The following SERPINB9 variants were observed in gnomAD, a reference collection of about 807,000 sequenced individuals.
SERPINB9 encodes the protein serpin B9.
In SERPINB9, 20 loss-of-function variants were observed where a neutral mutation model predicts 27.2. The observed-to-expected ratio is 0.74, with a 90% CI of 0.52 to 1.07. The LOEUF is 1.07. Among genes scored for constraint, SERPINB9 ranks in the 50% least tolerant of loss-of-function variants. The pLI is 0.00. For missense variants in SERPINB9, 476 were observed against 460.1 expected (o/e 1.03, Z -0.32); for synonymous variants, 189 against 180.0 (o/e 1.05, Z -0.40).
chr6:2,900,694 A>C, intron 1 of SERPINB9, 73 bp from the exon 2 acceptor site: 1 of 1,270,452 alleles, frequency 7.9e-7, no homozygotes. Context: ...ACTACAGGGC[A>C]ATTTTGGAAT....
intron 1 of SERPINB9, among the ~76,000 whole-genome samples, chr6:2,902,509 T>G (rs1310254867): frequency 6.6e-6 from 1 of 151,918 alleles, no homozygotes; most frequent in Non-Finnish European, 1.5e-5. Flanking sequence ...TTGGTGGTGG[T>G]TTTTTTGTGT....
intron 2 of SERPINB9, chr6:2,899,994 C>G (rs1220089484): frequency 8.9e-6 from 4 of 449,854 alleles, no homozygotes. Context: ...GCCCTGGAAT[C>G]CTTCTTGCAA....
At chr6:2,892,925 G>C (rs1440948208) in intron 5 of SERPINB9, among the ~76,000 whole-genome samples, 10 of 151,542 alleles carry the variant, frequency 6.6e-5, no homozygotes, top group African/African-American at 2.4e-4. Flanking sequence ...ATGATAATTA[G>C]TTAACAATTC....
At position 2,891,800 on chromosome 6, in the gene SERPINB9, G is replaced by C; in HGVS notation, c.723+33C>G. 2 of 1,561,682 alleles carry C rather than the reference G, an allele frequency of 1.3e-6. No individual in the cohort carries two copies. The highest frequency in any genetic ancestry group is 1.7e-6 in the Non-Finnish European group (2 of 1,162,284). On this transcript the variant is annotated intron_variant, in intron 6 of 6. Transcript: ENST00000380698. This position sits in a 1 kb window ranked among gnomAD's most constrained non-coding sequence, Gnocchi z 4.0. ...GCACTCGAGTTCTGCCCGCAAAGGT[G>C]TCCCTGGGTTCTTCCCGCAGCCCGG...
In SERPINB9 at chr6:2,890,405, T is replaced by C. The variant is rs61761888; in HGVS notation, c.889A>G (p.Lys297Glu). Residue 297 changes from lysine (K) to glutamate (E), a missense_variant, in exon 7 of 7, where the codon AAG (lysine) becomes GAG (glutamate). Coordinates refer to ENST00000380698, the MANE Select transcript of SERPINB9 (RefSeq NM_004155.6). The surrounding 1 kb of genome is among the most constrained non-coding windows in gnomAD (Gnocchi z 6.2). ...GCTGACATTGCCGACAAGTCAGCCT[T>C]GCCCTGTTGGAAGGCATCAACAATT... The part of the protein sequence containing the change: ...LGIVDAFQQG[K>E]ADLSAMSAER... 6.3e-5 allele frequency: 102 copies of C among 1,614,106 alleles called. No homozygotes were observed. The highest frequency in any genetic ancestry group is 8.0e-5 in the Non-Finnish European group (94 of 1,180,052).
chr6:2,900,885 T>TCTCCACA (rs61100591), intron 1 of SERPINB9, among the ~76,000 whole-genome samples: 4 of 141,482 alleles, frequency 2.8e-5, no homozygotes, highest in Non-Finnish European at 6.0e-5. Flanking sequence ...GCTCGCTCTC[T>TCTCCACA]CACACACACA....
intron 2 of SERPINB9, 39 bp downstream of exon 2, chr6:2,900,405 C>G: frequency 6.2e-7 from 1 of 1,607,866 alleles, no homozygotes. Flanking sequence ...AACACGCAGC[C>G]CAGGCCAGTC....
rs150242161 is a variant in SERPINB9 at position 2,891,887 on chromosome 6, C to T, written c.669G>A (p.Arg223=). 3 of 1,612,332 alleles carry T rather than the reference C, an allele frequency of 1.9e-6. No homozygotes were observed. The highest frequency in any genetic ancestry group is 1.6e-4 in the Middle Eastern group (1 of 6,084). The change falls in exon 6 of 7, where the codon AGG becomes AGA. Residue 223 remains arginine, a synonymous_variant. Coordinates refer to ENST00000380698, the MANE Select transcript of SERPINB9 (RefSeq NM_004155.6). The surrounding 1 kb of genome is among the most constrained non-coding windows in gnomAD (Gnocchi z 4.0). ...GCAGCACCAGCAGGCTCAGCTCCTT[C>T]CTGGCGTAGGGCAGCTCCAGCAGCT... ...RAQLLELPYA[R]KELSLLVLLP...
At position 2,900,575 on chromosome 6, in the gene SERPINB9, T is replaced by A. The variant is rs1768163735; in HGVS notation, c.37A>T (p.Ile13Leu). The change falls in exon 2 of 7, where the codon ATA becomes TTA. Residue 13 changes from isoleucine (I) to leucine (L), a missense_variant. By Grantham distance (5) the Ile-to-Leu change is conservative. Coordinates refer to ENST00000380698, the MANE Select transcript of SERPINB9 (RefSeq NM_004155.6). ...TLSNASGTFA[I>L]RLLKILCQDN... Reference sequence around the variant, plus strand: ...TGACACAGTATCTTTAAAAGGCGTATGGCAAAAGTACCACTTGCATTAGAA... The same window carrying A: ...TGACACAGTATCTTTAAAAGGCGTAAGGCAAAAGTACCACTTGCATTAGAA... 2 of 1,613,908 alleles carry A rather than the reference T, an allele frequency of 1.2e-6. No individual in the cohort carries two copies. The highest frequency in any genetic ancestry group is 2.7e-5 in the African/African-American group (2 of 74,846).
At chr6:2,893,055 T>G in intron 5 of SERPINB9, among the ~76,000 whole-genome samples, 1 of 37,998 alleles carries the variant, frequency 2.6e-5, no homozygotes, top group Non-Finnish European at 6.4e-5. Context: ...CCTTAACACT[T>G]TTTTTTTTTT....
intron 4 of SERPINB9, 30 bp from the exon 5 acceptor site, chr6:2,893,583 T>C (rs1561644805): frequency 6.3e-7 from 1 of 1,596,040 alleles, no homozygotes; most frequent in African/African-American, 1.3e-5. Context: ...CTACATTCAG[T>C]TGCTTTTTAT....
chr6:2,894,066 G>T lies in SERPINB9; in HGVS notation c.425-513C>A, dbSNP rs1363764782. Among the ~76,000 whole-genome samples, 1 of 152,056 alleles carries T rather than the reference G, an allele frequency of 6.6e-6. No individual in the cohort carries two copies. The highest frequency in any genetic ancestry group is 1.5e-5 in the Non-Finnish European group (1 of 68,026). On this transcript the variant is annotated intron_variant, in intron 4 of 6. Coordinates refer to ENST00000380698, the MANE Select transcript of SERPINB9 (RefSeq NM_004155.6). The surrounding 1 kb of genome is among the most constrained non-coding windows in gnomAD (Gnocchi z 4.7). Reference sequence around the variant, plus strand: ...GCTGAATCCCCTCAACAAAGCACTAGGCATCCCTGGAAAAGAGGATGTGGG... The same window carrying T: ...GCTGAATCCCCTCAACAAAGCACTATGCATCCCTGGAAAAGAGGATGTGGG...
At chr6:2,900,885 T>TCACACACA (rs5742054) in intron 1 of SERPINB9, among the ~76,000 whole-genome samples, 3 of 141,482 alleles carry the variant, frequency 2.1e-5, no homozygotes, top group South Asian at 2.3e-4. Flanking sequence ...GCTCGCTCTC[T>TCACACACA]CACACACACA....
At chr6:2,892,059 T>G in intron 5 of SERPINB9, 71 bp from the exon 6 acceptor site, 1 of 1,447,890 alleles carries the variant, frequency 6.9e-7, no homozygotes, top group African/African-American at 1.6e-5. Context: ...AAGAGTGTTT[T>G]CAGCACCTGT....
At chr6:2,893,294 ACTT>A in intron 5 of SERPINB9, 114 bp downstream of exon 5, 1 of 944,440 alleles carries the variant, frequency 1.1e-6, no homozygotes. Flanking sequence ...ATTCAGAAAT[ACTT>A]TAAGTTTCAA....
intron 1 of SERPINB9, among the ~76,000 whole-genome samples, chr6:2,901,036 C>G (rs963720927): frequency 9.9e-5 from 15 of 152,168 alleles, no homozygotes; most frequent in African/African-American, 3.1e-4. Context: ...TACAAAGAGT[C>G]CTTGTGAGAT....
rs1416547720 is a variant in SERPINB9, at chr6:2,889,601, A to C, written c.*562T>G. ...TCCCAGCTACTCGGGAGGCTGAGGC[A>C]GGAGAATGGCGTGAACCCGGGAGGC... On this transcript the variant is annotated 3_prime_UTR_variant, in exon 7 of 7. Transcript: ENST00000380698. 4.0e-5 allele frequency: 6 copies of C among 151,248 alleles called. No homozygotes were observed. The highest frequency in any genetic ancestry group is 7.4e-5 in the Non-Finnish European group (5 of 67,846). The allele number at this position is 151,248 out of a possible 1,614,324, so 9.4% of individuals were successfully genotyped here. A position where few individuals can be genotyped will look rare whatever the true frequency, so the allele number is the denominator to read the frequency against.
At chr6:2,902,761 G>A (rs1489192013) in intron 1 of SERPINB9, among the ~76,000 whole-genome samples, 2 of 152,016 alleles carry the variant, frequency 1.3e-5, no homozygotes, top group Non-Finnish European at 2.9e-5. Flanking sequence ...CCAAGGATCC[G>A]ACCGCCTTGG....
rs372431382 is a variant in SERPINB9 at position 2,896,038 on chromosome 6, A to G, written c.306+15T>C. The G allele has an allele frequency of 6.8e-6, 11 of 1,609,304 alleles. No individual in the cohort carries two copies. The African/African-American group carries it at 1.5e-4, about 22-fold the overall frequency. Reference sequence around the variant, plus strand: ...TGTTGAATGCAACTTTTATTGTTCTATTGATTCAACTTACTGAGAGGAACT... The same window carrying G: ...TGTTGAATGCAACTTTTATTGTTCTGTTGATTCAACTTACTGAGAGGAACT... On this transcript the variant is annotated intron_variant, in intron 3 of 6. Transcript: ENST00000380698.
Sources: gnomAD v4.1 joint callset for allele counts (sites outside exome capture counted in the v4.1 genomes callset) on GRCh38, gnomAD v4.1.1 for gene constraint, Gnocchi (gnomAD v3.1) non-coding constraint, MANE v1.5 for transcripts, NCBI Gene and HGNC (gene_info 2026-07-23, HGNC 2026-07-21) for gene names.